The following DSTN variants were observed in gnomAD, a reference collection of about 807,000 sequenced individuals.
DSTN encodes the protein destrin.
A neutral mutation model predicts 16.8 loss-of-function variants in DSTN; 10 were observed. That is an observed-to-expected ratio of 0.60 (90% CI 0.37 to 1.01). The LOEUF is 1.01. Among genes scored for constraint, DSTN ranks in the 50% least tolerant of loss-of-function variants. DSTN has a pLI of 0.01. For synonymous variants in DSTN, 57 were observed against 58.9 expected (o/e 0.97, Z 0.14); for missense variants, 141 against 196.7 (o/e 0.72, Z 1.69).
intron 1 of DSTN, among the ~76,000 whole-genome samples, chr20:17,594,586 C>G (rs1568737113): frequency 6.6e-6 from 1 of 152,080 alleles, no homozygotes; most frequent in African/African-American, 2.4e-5. Context: ...AATGGCTGTT[C>G]AGAACTCAGT....
intron 1 of DSTN, among the ~76,000 whole-genome samples, chr20:17,570,463 C>T (rs1454428352): frequency 6.6e-6 from 1 of 152,234 alleles, no homozygotes; most frequent in Non-Finnish European, 1.5e-5. Context: ...AGGCCGCCGC[C>T]CTGAGCGTGG....
intron 1 of DSTN, chr20:17,596,879 T>A: frequency 1.2e-6 from 1 of 862,226 alleles, no homozygotes; most frequent in Non-Finnish European, 1.4e-6. Flanking sequence ...AGTACATCAT[T>A]GATTTAATTT....
intron 1 of DSTN, among the ~76,000 whole-genome samples, chr20:17,579,770 G>T (rs958857431): frequency 6.6e-6 from 1 of 152,170 alleles, no homozygotes; most frequent in Non-Finnish European, 1.5e-5. Flanking sequence ...TAATCAAAAG[G>T]CAGTTTATCC....
chr20:17,596,712 G>A, intron 1 of DSTN: 1 of 985,284 alleles, frequency 1.0e-6, no homozygotes, highest in Non-Finnish European at 1.2e-6. Context: ...GTGTCTAATG[G>A]TATAAGAAAC....
At position 17,570,089 on chromosome 20, in the gene DSTN, T is replaced by G; in HGVS notation, c.-120T>G. ...GAGGCGCGCCCGCCCCGGGGTAAGC[T>G]CGCGCCGCCGCGTCAGCTCAGCGCT... On this transcript the variant is annotated 5_prime_UTR_variant, in exon 1 of 4. Coordinates refer to ENST00000246069, the MANE Select transcript of DSTN (RefSeq NM_006870.4). 2.1e-6 allele frequency: 3 copies of G among 1,435,492 alleles called. No homozygotes were observed. Among genetic ancestry groups the G allele is most frequent in the Non-Finnish European group, 2.8e-6 (3 of 1,086,994 alleles). The allele number at this position is 1,435,492 out of a possible 1,614,324, so 88.9% of individuals were successfully genotyped here. A position where few individuals can be genotyped will look rare whatever the true frequency, so the allele number is the denominator to read the frequency against.
intron 2 of DSTN, among the ~76,000 whole-genome samples, chr20:17,603,650 CTGAAGGTGCTGT>C (rs1169616684): frequency 6.6e-6 from 1 of 152,216 alleles, no homozygotes; most frequent in Non-Finnish European, 1.5e-5. Context: ...AGTGTTGCTG[CTGAAGGTGCTGT>C]GACACATATG....
In DSTN at chr20:17,608,242, A is replaced by C. The variant is rs547052560; in HGVS notation, c.*1096A>C. On this transcript the variant is annotated 3_prime_UTR_variant, in exon 4 of 4. Coordinates refer to ENST00000246069, the MANE Select transcript of DSTN (RefSeq NM_006870.4). ...GTAATAAAGGAAGCATTTTTGACTT[A>C]CCTCTCGTGTAATTTTCATGTGTGA... 1 of 152,292 alleles carries C rather than the reference A, an allele frequency of 6.6e-6. No individual in the cohort carries two copies. The highest frequency in any genetic ancestry group is 1.9e-4 in the East Asian group (1 of 5,178). 9.4% of individuals were successfully genotyped at this position (152,292 alleles called of 1,614,324 possible). A position where few individuals can be genotyped will look rare whatever the true frequency, so the allele number is the denominator to read the frequency against.
intron 3 of DSTN, among the ~76,000 whole-genome samples, chr20:17,604,853 C>T (rs1470795908): frequency 1.3e-5 from 2 of 152,150 alleles, no homozygotes; most frequent in Non-Finnish European, 2.9e-5. Flanking sequence ...ATAACTATAC[C>T]CTTGACATTG....
chr20:17,595,214 A>T (rs2035513362), intron 1 of DSTN, among the ~76,000 whole-genome samples: 1 of 152,026 alleles, frequency 6.6e-6, no homozygotes, highest in Non-Finnish European at 1.5e-5. Context: ...TCTTGTCCTT[A>T]GGTAGTTCCT....
chr20:17,570,500 C>T (rs1373142086), intron 1 of DSTN, among the ~76,000 whole-genome samples: 1 of 152,180 alleles, frequency 6.6e-6, no homozygotes, highest in Non-Finnish European at 1.5e-5. Flanking sequence ...CAGACCCGGC[C>T]TTGCAACAAC....
At chr20:17,596,050 TCA>T (rs2035523110) in intron 1 of DSTN, among the ~76,000 whole-genome samples, 1 of 152,224 alleles carries the variant, frequency 6.6e-6, no homozygotes, top group Non-Finnish European at 1.5e-5. Context: ...GTTGAAATGT[TCA>T]GAGGCCCAAT....
Position 17,604,600 on chromosome 20 carries a change from C to G in DSTN, c.357C>G (p.Ser119Arg), listed in dbSNP as rs1156261677. The change falls in exon 3 of 4, where the codon AGC becomes AGG. Residue 119 changes from serine to arginine, a missense_variant. Ser to Arg is a moderately radical substitution (Grantham distance 110). Transcript: ENST00000246069. ...APLKSKMIYA[S>R]SKDAIKKKFQ... ...TGAAAAGTAAAATGATCTATGCAAG[C>G]TCCAAGGATGCAATTAAAAAGAAAT... The G allele has an allele frequency of 6.2e-7, 1 of 1,613,450 alleles. No individual in the cohort carries two copies. Among genetic ancestry groups the G allele is most frequent in the Non-Finnish European group, 8.5e-7 (1 of 1,179,910 alleles).
rs751806648 is a variant in DSTN at position 17,600,824 on chromosome 20, G to A, written c.90G>A (p.Lys30=). 7 of 1,613,750 alleles carry A rather than the reference G, an allele frequency of 4.3e-6. No individual in the cohort carries two copies. In the South Asian group the frequency reaches 7.7e-5, roughly 18 times the overall value. ...AATGCTCCACACCAGAAGAAATCAA[G>A]AAAAGAAAGAAGGCTGTCATTTTTT... The part of the protein sequence containing the change: ...VRKCSTPEEI[K]KRKKAVIFCL... The change falls in exon 2 of 4, where the codon AAG becomes AAA. Residue 30 remains lysine (K), a synonymous_variant. Coordinates refer to ENST00000246069, the MANE Select transcript of DSTN (RefSeq NM_006870.4).
In DSTN at chr20:17,608,481, T is replaced by C. The variant is rs1426210750; in HGVS notation, c.*1335T>C. On this transcript the variant is annotated 3_prime_UTR_variant, in exon 4 of 4. Transcript: ENST00000246069. ...TCTCATCTACTAAAAATAAACAAAA[T>C]TAGCCGGGTGTGGTGGTGCACGTCA... is the stretch of plus-strand genomic sequence containing the variant. 1.3e-5 allele frequency: 2 copies of C among 151,944 alleles called. No homozygotes were observed. The highest frequency in any genetic ancestry group is 4.8e-5 in the African/African-American group (2 of 41,310). 9.4% of individuals were successfully genotyped at this position (151,944 alleles called of 1,614,324 possible).
intron 1 of DSTN, among the ~76,000 whole-genome samples, chr20:17,582,226 G>A (rs192774614): frequency 2.1e-4 from 32 of 151,934 alleles, no homozygotes; most frequent in Admixed American, 1.9e-3. Context: ...TAACAGGTGC[G>A]CGCCACCACG....
At chr20:17,572,890 A>C (rs1260384347) in intron 1 of DSTN, among the ~76,000 whole-genome samples, 1 of 152,226 alleles carries the variant, frequency 6.6e-6, no homozygotes, top group African/African-American at 2.4e-5. Flanking sequence ...TTATGTTATC[A>C]TTACAGCTAA....
Position 17,604,607 on chromosome 20 carries a change from G to C in DSTN, c.364G>C (p.Asp122His). Residue 122 changes from aspartate to histidine, a missense_variant, in exon 3 of 4, where the codon GAT (aspartate) becomes CAT (histidine). Coordinates refer to ENST00000246069, the MANE Select transcript of DSTN (RefSeq NM_006870.4). ...TAAAATGATCTATGCAAGCTCCAAG[G>C]ATGCAATTAAAAAGAAATTTCAAGG... is the stretch of plus-strand genomic sequence containing the variant. ...KSKMIYASSK[D>H]AIKKKFQGIK... The C allele has an allele frequency of 6.2e-7, 1 of 1,613,402 alleles. No homozygotes were observed. Among genetic ancestry groups the C allele is most frequent in the South Asian group, 1.1e-5 (1 of 90,870 alleles).
chr20:17,583,090 G>A (rs1310554192), intron 1 of DSTN, among the ~76,000 whole-genome samples: 1 of 152,108 alleles, frequency 6.6e-6, no homozygotes, highest in African/African-American at 2.4e-5. Context: ...TAAGCCAATG[G>A]AAAAAAATGC....
chr20:17,595,117 C>A (rs1376402218), intron 1 of DSTN, among the ~76,000 whole-genome samples: 1 of 152,176 alleles, frequency 6.6e-6, no homozygotes, highest in East Asian at 1.9e-4. Flanking sequence ...TTCCACACTG[C>A]CATCAGCCTC....
Sources: gnomAD v4.1 joint callset for allele counts (sites outside exome capture counted in the v4.1 genomes callset) on GRCh38, gnomAD v4.1.1 for gene constraint, MANE v1.5 for transcripts, NCBI Gene and HGNC (gene_info 2026-07-23, HGNC 2026-07-21) for gene names.